Variants in ITPK1 observed in about 807,000 individuals in gnomAD.
ITPK1 encodes the protein inositol-tetrakisphosphate 1-kinase.
Under a neutral mutation model 45.3 loss-of-function variants are expected in ITPK1, and 21 were observed. The ratio of observed to expected loss-of-function variants is 0.46; its 90% CI spans 0.33 to 0.67. The LOEUF is 0.67. Among genes scored for constraint, ITPK1 ranks in the 30% least tolerant of loss-of-function variants. ITPK1 has a pLI of 0.02. For synonymous variants in ITPK1, 258 were observed against 253.6 expected (o/e 1.02, Z -0.16); for missense variants, 474 against 573.5 (o/e 0.83, Z 1.77).
intron 3 of ITPK1, among the ~76,000 whole-genome samples, chr14:93,064,642 T>C (rs1178229019): frequency 2.0e-5 from 3 of 152,092 alleles, no homozygotes; most frequent in Admixed American, 6.5e-5. Context: ...GATCTCCTTA[T>C]AGGGTATACT....
chr14:92,978,422 C>G (rs958693126), intron 5 of ITPK1, among the ~76,000 whole-genome samples: 1 of 151,992 alleles, frequency 6.6e-6, no homozygotes, highest in African/African-American at 2.4e-5. Context: ...AGGAGGAACT[C>G]AAAGCTGCAG....
At chr14:93,042,135 T>A (rs1382177200) in intron 3 of ITPK1, among the ~76,000 whole-genome samples, 1 of 152,152 alleles carries the variant, frequency 6.6e-6, no homozygotes, top group Admixed American at 6.5e-5. Context: ...ATTTTATAAG[T>A]TGAGGAAATT....
intron 4 of ITPK1, among the ~76,000 whole-genome samples, chr14:93,013,653 T>G (rs1888028637): frequency 6.6e-6 from 1 of 152,220 alleles, no homozygotes; most frequent in Non-Finnish European, 1.5e-5. Flanking sequence ...TCGGTTTCCC[T>G]GCTCACAACA....
At chr14:93,003,459 G>C (rs1464815272) in intron 4 of ITPK1, among the ~76,000 whole-genome samples, 1 of 152,242 alleles carries the variant, frequency 6.6e-6, no homozygotes, top group Non-Finnish European at 1.5e-5. Flanking sequence ...GCCACAGATA[G>C]TCCTGGGAAA....
intron 3 of ITPK1, among the ~76,000 whole-genome samples, chr14:93,073,969 G>A (rs572965559): frequency 6.6e-6 from 1 of 152,306 alleles, no homozygotes; most frequent in African/African-American, 2.4e-5. Flanking sequence ...TCAGTCACCA[G>A]CACCTGAACC....
At chr14:93,111,689 C>T (rs185046908) in intron 2 of ITPK1, among the ~76,000 whole-genome samples, 11 of 140,526 alleles carry the variant, frequency 7.8e-5, no homozygotes, top group East Asian at 4.1e-4. Flanking sequence ...CCAGGCTGGG[C>T]GACAAAGCGA....
intron 8 of ITPK1, among the ~76,000 whole-genome samples, chr14:92,957,754 C>G (rs909349530): frequency 6.6e-6 from 1 of 152,270 alleles, no homozygotes; most frequent in Non-Finnish European, 1.5e-5. Flanking sequence ...GCAGGCAACT[C>G]TGTCTCAGGC....
rs74074511 is a variant in ITPK1, at chr14:92,939,815, G to T, written c.*1746C>A. The T allele has an allele frequency of 2.0e-4, 197 of 985,682 alleles. No individual in the cohort carries two copies. In the African/African-American group the frequency reaches 3.3e-3, roughly 17 times the overall value. 61.1% of individuals were successfully genotyped at this position (985,682 alleles called of 1,614,324 possible). On this transcript the variant is annotated 3_prime_UTR_variant, in exon 11 of 11. Transcript: ENST00000267615. Reference sequence around the variant, plus strand: ...TTATTAAACGTCTTTTAAGGACTGGGAGTATGACATAACAAACTTGAGCAA... The same window carrying T: ...TTATTAAACGTCTTTTAAGGACTGGTAGTATGACATAACAAACTTGAGCAA...
intron 2 of ITPK1, among the ~76,000 whole-genome samples, chr14:93,107,073 T>TGATAA (rs1892556785): frequency 6.6e-6 from 1 of 152,128 alleles, no homozygotes; most frequent in Non-Finnish European, 1.5e-5. Context: ...TTCTCCTGCC[T>TGATAA]CAGCGTCCCA....
rs1889205712 is a variant in ITPK1 at position 93,034,200 on chromosome 14, GGA to G, written c.121-17401_121-17400del. Among the ~76,000 whole-genome samples the G allele has an allele frequency of 6.7e-6, 1 of 149,868 alleles. No homozygotes were observed. Among genetic ancestry groups the G allele is most frequent in the Non-Finnish European group, 1.5e-5 (1 of 67,400 alleles). On this transcript the variant is annotated intron_variant, in intron 3 of 10. Coordinates refer to ENST00000267615, the MANE Select transcript of ITPK1 (RefSeq NM_014216.6). This position sits in a 1 kb window ranked among gnomAD's most constrained non-coding sequence, Gnocchi z 4.1. The stretch of plus-strand genomic sequence containing the variant: ...ATCCTGCCCCCAGCACACTGAACTG[GGA>G]GGTGGCTTCAGCCACACAGCACCTG...
intron 3 of ITPK1, among the ~76,000 whole-genome samples, chr14:93,024,597 C>T (rs1888638578): frequency 6.6e-6 from 1 of 152,186 alleles, no homozygotes; most frequent in South Asian, 2.1e-4. Context: ...TGGCTTTCCA[C>T]CAGCATGATT....
chr14:92,967,968 A>T (rs923663919), intron 5 of ITPK1, among the ~76,000 whole-genome samples: 1 of 152,224 alleles, frequency 6.6e-6, no homozygotes, highest in African/African-American at 2.4e-5. Context: ...AATGTTCTAG[A>T]ATTAGTAGTG....
At chr14:92,967,778 C>G (rs114918209) in intron 5 of ITPK1, among the ~76,000 whole-genome samples, 176 of 152,290 alleles carry the variant, frequency 1.2e-3, no homozygotes, top group African/African-American at 4.0e-3. Context: ...CATAAAAACA[C>G]TGGGCTAAGT....
chr14:93,066,287 C>A, intron 3 of ITPK1: 3 of 451,780 alleles, frequency 6.6e-6, no homozygotes, highest in South Asian at 3.1e-5. Flanking sequence ...GCTTGGTGTG[C>A]GTGCGTGTGT....
chr14:92,964,988 T>C (rs561779630), intron 5 of ITPK1, among the ~76,000 whole-genome samples: 1 of 152,334 alleles, frequency 6.6e-6, no homozygotes, highest in South Asian at 2.1e-4. Flanking sequence ...CTGAGAATTT[T>C]ACAGATGAGG....
intron 3 of ITPK1, among the ~76,000 whole-genome samples, chr14:93,022,805 C>A (rs758626462): frequency 4.0e-5 from 6 of 151,210 alleles, no homozygotes; most frequent in Non-Finnish European, 8.9e-5. Flanking sequence ...GGATTACAGG[C>A]GTGAGCCACT....
chr14:93,056,998 C>T (rs1282396977), intron 3 of ITPK1, among the ~76,000 whole-genome samples: 1 of 152,190 alleles, frequency 6.6e-6, no homozygotes, highest in Admixed American at 6.5e-5. Context: ...TGGGAGAGCA[C>T]ATCACATAAC....
Position 92,938,722 on chromosome 14 carries a change from A to G in ITPK1, c.*2839T>C. ...GGACCCAGACACCTCCATGACACCA[A>G]GGGCAAAGCACCAGTTCCAGGGTGG... On this transcript the variant is annotated 3_prime_UTR_variant, in exon 11 of 11. Transcript: ENST00000267615. The G allele has an allele frequency of 3.3e-6, 2 of 603,884 alleles. No homozygotes were observed. The highest frequency in any genetic ancestry group is 5.9e-6 in the Non-Finnish European group (2 of 338,568). The allele number at this position is 603,884 out of a possible 1,614,324, so 37.4% of individuals were successfully genotyped here.
At chr14:93,085,282 ATG>A in intron 2 of ITPK1, among the ~76,000 whole-genome samples, 1 of 152,344 alleles carries the variant, frequency 6.6e-6, no homozygotes, top group Non-Finnish European at 1.5e-5. Flanking sequence ...GGAAGCTGCC[ATG>A]TGTCTTTTTT....
Sources: gnomAD v4.1 joint callset for allele counts (sites outside exome capture counted in the v4.1 genomes callset) on GRCh38, gnomAD v4.1.1 for gene constraint, Gnocchi (gnomAD v3.1) non-coding constraint, MANE v1.5 for transcripts, NCBI Gene and HGNC (gene_info 2026-07-23, HGNC 2026-07-21) for gene names.